CHD8: variants seen among roughly 807,000 people sequenced by gnomAD.
CHD8 encodes ATP-dependent chromatin remodeler CHD8.
CHD8 carries 31 observed loss-of-function variants against 279.2 expected under a neutral mutation model. That is an observed-to-expected ratio of 0.11 (90% CI 0.08 to 0.15). The LOEUF is 0.15. Among genes scored for constraint, CHD8 ranks in the 10% least tolerant of loss-of-function variants. The pLI is 1.00. For missense variants in CHD8, 2,146 were observed against 3,230.5 expected (o/e 0.66, Z 8.14); for synonymous variants, 1,081 against 1,139.6 (o/e 0.95, Z 1.04).
rs750041477 is a variant in CHD8, at chr14:21,400,459, A to T, written c.4524T>A (p.Ile1508=). The part of the protein sequence containing the change: ...ENIKGFIWDL[I]SPAENGKTKE... ...TTGTCTTGCCATTTTCAGCTGGGCTAATCAAGTCCCAGATGAAGCCTTTAA... is the reference window on the plus strand; with the variant it reads ...TTGTCTTGCCATTTTCAGCTGGGCTTATCAAGTCCCAGATGAAGCCTTTAA... Residue 1508 remains isoleucine (I), a synonymous_variant, in exon 23 of 38, where the codon ATT becomes ATA. Transcript: ENST00000646647. The surrounding 1 kb of genome is among the most constrained non-coding windows in gnomAD (Gnocchi z 4.2). The T allele has an allele frequency of 3.1e-6, 5 of 1,607,288 alleles. No individual in the cohort carries two copies. Among genetic ancestry groups the T allele is most frequent in the Non-Finnish European group, 4.2e-6 (5 of 1,178,300 alleles).
chr14:21,392,844 G>A lies in CHD8; in HGVS notation c.6469-35C>T, dbSNP rs991113852. On this transcript the variant is annotated intron_variant, in intron 33 of 37. Coordinates refer to ENST00000646647, the MANE Select transcript of CHD8 (RefSeq NM_001170629.2). ...GAAAGAAAGAAATACCATTTTAAGA[G>A]TCTGAGTACTAGCTGTGTGATCCTG... The A allele has an allele frequency of 1.9e-5, 30 of 1,594,860 alleles. No homozygotes were observed. The Admixed American group carries it at 4.7e-4, about 25-fold the overall frequency.
intron 1 of CHD8, among the ~76,000 whole-genome samples, chr14:21,443,584 G>A (rs547366195): frequency 6.6e-6 from 1 of 151,996 alleles, no homozygotes; most frequent in South Asian, 2.1e-4. Context: ...ACTGGGCGCT[G>A]TGGCTCACAC....
At chr14:21,446,400 C>T (rs1209396849) in intron 1 of CHD8, among the ~76,000 whole-genome samples, 1 of 148,830 alleles carries the variant, frequency 6.7e-6, no homozygotes, top group African/African-American at 2.5e-5. Context: ...CAACCTCTGT[C>T]TCCCAGGCTC....
intron 1 of CHD8, chr14:21,437,429 C>G (rs952306497): frequency 8.8e-6 from 2 of 227,934 alleles, no homozygotes; most frequent in Non-Finnish European, 1.6e-5. Context: ...GAGGCCTATC[C>G]GGTTTCTAGG....
chr14:21,432,823 G>C (rs933186147), intron 1 of CHD8, among the ~76,000 whole-genome samples: 23 of 152,208 alleles, frequency 1.5e-4, no homozygotes, highest in African/African-American at 5.5e-4. Context: ...CCACACCATT[G>C]TTTATACCTT....
rs1180921820 is a variant in CHD8, at chr14:21,394,987, C to T, written c.5315G>A (p.Arg1772His). The change falls in exon 30 of 38, where the codon CGT (arginine) becomes CAT (histidine). Residue 1772 changes from arginine (R) to histidine (H), a missense_variant. Physicochemically the swap from Arg to His is conservative, Grantham distance 29 (BLOSUM62 0). Around this residue, in one of 26 missense-constraint regions of CHD8, gnomAD observed 513 missense variants for 637.6 expected, o/e 0.80. Coordinates refer to ENST00000646647, the MANE Select transcript of CHD8 (RefSeq NM_001170629.2). ...ACAACGCCGCCTTCGCCGGTCCCCA[C>T]GTTCTGCAGCCTCTATCTTCATTTG... Reference protein sequence around the residue: ...REQMKIEAAERGDRRRRRCEA... With the variant: ...REQMKIEAAEHGDRRRRRCEA... 10 of 1,613,902 alleles carry T rather than the reference C, an allele frequency of 6.2e-6. No individual in the cohort carries two copies. The South Asian group carries it at 6.6e-5, about 11-fold the overall frequency.
In CHD8 at chr14:21,395,986, C is replaced by T. The variant is rs560881283; in HGVS notation, c.5052-94G>A. 7.9e-5 allele frequency: 64 copies of T among 806,870 alleles called. No individual in the cohort carries two copies. In the Middle Eastern group the frequency reaches 1.3e-3, roughly 16 times the overall value. 50.0% of individuals were successfully genotyped at this position (806,870 alleles called of 1,614,324 possible). A position where few individuals can be genotyped will look rare whatever the true frequency, so the allele number is the denominator to read the frequency against. On this transcript the variant is annotated intron_variant, in intron 27 of 37. Coordinates refer to ENST00000646647, the MANE Select transcript of CHD8 (RefSeq NM_001170629.2). ...AAGACCTAGCCACACATATATCCAG[C>T]ATGAAATAATCTTTATTAGTATTAT...
At chr14:21,441,374 CTGT>C (rs144457459) in intron 1 of CHD8, among the ~76,000 whole-genome samples, 2,475 of 152,236 alleles carry the variant, frequency 0.016, 63 homozygotes, top group African/African-American at 0.057. Context: ...AAGATGATTC[CTGT>C]TGTTTGCAAC....
intron 1 of CHD8, among the ~76,000 whole-genome samples, chr14:21,433,038 C>T (rs1043697831): frequency 5.9e-5 from 9 of 152,308 alleles, no homozygotes; most frequent in Non-Finnish European, 1.2e-4. Context: ...CCCAGCTCCT[C>T]TTTCTCTGGG....
chr14:21,394,817 T>C, intron 30 of CHD8, 95 bp downstream of exon 30: 1 of 1,333,038 alleles, frequency 7.5e-7, no homozygotes, highest in East Asian at 2.3e-5. Flanking sequence ...GGTCCCTCTG[T>C]AGAGAATTCC....
Position 21,400,416 on chromosome 14 carries a change from A to T in CHD8, c.4567T>A (p.Ser1523Thr). Residue 1523 changes from serine (S) to threonine (T), a missense_variant, in exon 23 of 38, where the codon TCA (serine) becomes ACA (threonine). Coordinates refer to ENST00000646647, the MANE Select transcript of CHD8 (RefSeq NM_001170629.2). This position sits in a 1 kb window ranked among gnomAD's most constrained non-coding sequence, Gnocchi z 4.2. Reference protein sequence around the residue: ...NGKTKELQNHSGLSIPVPRGR... With the variant: ...NGKTKELQNHTGLSIPVPRGR... The stretch of plus-strand genomic sequence containing the variant: ...AAAGTAAAGAGTTGATAATTACCTG[A>T]ATGATTCTGCAATTCTTTTGTCTTG... 1 of 1,600,408 alleles carries T rather than the reference A, an allele frequency of 6.2e-7. No individual in the cohort carries two copies. Among genetic ancestry groups the T allele is most frequent in the Non-Finnish European group, 8.5e-7 (1 of 1,176,072 alleles).
chr14:21,414,228 C>A, intron 9 of CHD8, 73 bp downstream of exon 9: 1 of 800,646 alleles, frequency 1.2e-6, no homozygotes. Context: ...TTTGAAGAAT[C>A]AGCCAAGGCT....
Position 21,392,714 on chromosome 14 carries a change from T to C in CHD8, c.6564A>G (p.Gly2188=). 6.2e-7 allele frequency: 1 copy of C among 1,613,982 alleles called. No individual in the cohort carries two copies. Among genetic ancestry groups the C allele is most frequent in the Non-Finnish European group, 8.5e-7 (1 of 1,179,892 alleles). ...AGTGGTTGCCTGGCCCCAAAATTCC[T>C]CCTGTTACCATTTCCTGGCTCCTAC... The part of the protein sequence containing the change: ...SSRRSQEMVT[G]GILGPGNHLL... Residue 2188 remains glycine (G), a synonymous_variant, in exon 34 of 38, where the codon GGA becomes GGG. Coordinates refer to ENST00000646647, the MANE Select transcript of CHD8 (RefSeq NM_001170629.2).
chr14:21,409,213 C>T (rs1215082431), intron 11 of CHD8, among the ~76,000 whole-genome samples: 2 of 152,166 alleles, frequency 1.3e-5, no homozygotes, highest in Non-Finnish European at 2.9e-5. Context: ...TTTTATTGGA[C>T]AGTGTAGCTC....
rs1888561357 is a variant in CHD8, at chr14:21,412,851, G to A, written c.2226+62C>T. 1.1e-5 allele frequency: 12 copies of A among 1,047,950 alleles called. No homozygotes were observed. In the South Asian group the frequency reaches 1.4e-4, roughly 13 times the overall value. 64.9% of individuals were successfully genotyped at this position (1,047,950 alleles called of 1,614,324 possible). ...ATCCATACCCGAAAAATAAAGGATTGGCAAACCCACCAGCAGAAATCTAAG... is the reference window on the plus strand; with the variant it reads ...ATCCATACCCGAAAAATAAAGGATTAGCAAACCCACCAGCAGAAATCTAAG... On this transcript the variant is annotated intron_variant, in intron 10 of 37. Transcript: ENST00000646647.
rs1315610286 is a variant in CHD8 at position 21,402,857 on chromosome 14, G to C, written c.3714+160C>G. 6.6e-6 allele frequency among the ~76,000 whole-genome samples: 1 copy of C among 152,188 alleles called. No homozygotes were observed. The highest frequency in any genetic ancestry group is 1.5e-5 in the Non-Finnish European group (1 of 68,034). ...CAAAGCCTAAAACATTTACTGTCTT[G>C]TCGTTTACAGAAAACGTTTGCTGAT... is the stretch of plus-strand genomic sequence containing the variant. On this transcript the variant is annotated intron_variant, in intron 18 of 37. Coordinates refer to ENST00000646647, the MANE Select transcript of CHD8 (RefSeq NM_001170629.2). The surrounding 1 kb of genome is among the most constrained non-coding windows in gnomAD (Gnocchi z 4.5).
At chr14:21,416,059 A>C in intron 5 of CHD8, 152 bp from the exon 6 acceptor site, 3 of 674,080 alleles carry the variant, frequency 4.5e-6, no homozygotes, top group Non-Finnish European at 7.7e-6. Context: ...TCTGTCAAAC[A>C]ATGTGATTAT....
intron 3 of CHD8, 40 bp from the exon 4 acceptor site, chr14:21,428,294 G>C: frequency 1.3e-6 from 2 of 1,590,902 alleles, no homozygotes; most frequent in African/African-American, 2.7e-5. Flanking sequence ...CTTGCTTGTA[G>C]TTAAATGGCC....
rs114076435 is a variant in CHD8, at chr14:21,421,768, C to T, written c.1716+4360G>A. 5.0e-3 allele frequency among the ~76,000 whole-genome samples: 758 copies of T among 152,214 alleles called. 8 individuals are homozygous for T. Among genetic ancestry groups the T allele is most frequent in the African/African-American group, 0.017 (722 of 41,534 alleles). On this transcript the variant is annotated intron_variant, in intron 5 of 37. Coordinates refer to ENST00000646647, the MANE Select transcript of CHD8 (RefSeq NM_001170629.2). The stretch of plus-strand genomic sequence containing the variant: ...TTGAAGCCCCTAACCCCCAGTACCT[C>T]AGAATGTGAGTGTATTAGGAAATTG...
Sources: gnomAD v4.1 joint callset for allele counts (sites outside exome capture counted in the v4.1 genomes callset) on GRCh38, gnomAD v4.1.1 for gene constraint, gnomAD v4.1.1 regional missense constraint, Gnocchi (gnomAD v3.1) non-coding constraint, MANE v1.5 for transcripts, NCBI Gene and HGNC (gene_info 2026-07-23, HGNC 2026-07-21) for gene names.